The following KAZN variants were observed in gnomAD, a reference collection of about 807,000 sequenced individuals.
KAZN encodes the protein kazrin, periplakin interacting protein.
A neutral mutation model predicts 87.4 loss-of-function variants in KAZN; 40 were observed. The observed-to-expected ratio is 0.46, with a 90% confidence interval of 0.36 to 0.60. The LOEUF (loss-of-function observed/expected upper bound fraction) is 0.60. KAZN is among the 20% of genes least tolerant of loss of function. KAZN has a pLI of 0.00. For missense variants in KAZN, 898 were observed against 1,073.9 expected (o/e 0.84, Z 2.29); for synonymous variants, 466 against 458.3 (o/e 1.02, Z -0.22).
chr1:14,220,920 C>T (rs567585183), intron 2 of KAZN, among the ~76,000 whole-genome samples: 2 of 152,188 alleles, frequency 1.3e-5, no homozygotes, highest in South Asian at 4.2e-4. Flanking sequence ...GCTGTTTGTG[C>T]CTAGAGGTAA....
At chr1:14,092,165 A>C (rs1238421820) in intron 1 of KAZN, among the ~76,000 whole-genome samples, 1 of 142,686 alleles carries the variant, frequency 7.0e-6, no homozygotes, top group Non-Finnish European at 1.5e-5. Flanking sequence ...ATCTCAGCTC[A>C]CTGAAAGCTG....
At chr1:14,463,543 T>A (rs1667962326) in intron 2 of KAZN, among the ~76,000 whole-genome samples, 1 of 152,158 alleles carries the variant, frequency 6.6e-6, no homozygotes, top group South Asian at 2.1e-4. Context: ...ACTCAATAAA[T>A]GTTAGTGATT....
intron 1 of KAZN, among the ~76,000 whole-genome samples, chr1:14,869,309 C>T (rs1651888176): frequency 6.6e-6 from 1 of 152,110 alleles, no homozygotes; most frequent in African/African-American, 2.4e-5. Context: ...CCTTTCATTG[C>T]CTTCCCTGTG....
At chr1:13,953,360 C>T (rs1169406634) in intron 1 of KAZN, among the ~76,000 whole-genome samples, 1 of 152,074 alleles carries the variant, frequency 6.6e-6, no homozygotes, top group Non-Finnish European at 1.5e-5. Flanking sequence ...AGCCTGACTA[C>T]GGGAGAGAGG....
chr1:14,558,172 T>C (rs1042211800), intron 2 of KAZN, among the ~76,000 whole-genome samples: 1 of 152,234 alleles, frequency 6.6e-6, no homozygotes, highest in Admixed American at 6.5e-5. Flanking sequence ...GCCCAGCTCC[T>C]CTCTTTGAAG....
At chr1:14,149,568 C>G (rs1229924161) in intron 1 of KAZN, among the ~76,000 whole-genome samples, 3 of 152,136 alleles carry the variant, frequency 2.0e-5, no homozygotes, top group Non-Finnish European at 2.9e-5. Flanking sequence ...TGGGCCTCTT[C>G]CCTGCCACAC....
intron 1 of KAZN, among the ~76,000 whole-genome samples, chr1:14,755,736 A>T (rs1322850237): frequency 1.3e-5 from 2 of 152,094 alleles, no homozygotes; most frequent in African/African-American, 2.4e-5. Context: ...TCCCTCTTGG[A>T]ATGGTGCTTT....
chr1:15,061,478 C>T (rs957971441), intron 6 of KAZN: 5 of 151,968 alleles, frequency 3.3e-5, no homozygotes, highest in Non-Finnish European at 7.4e-5. Flanking sequence ...AGCCTGGGGC[C>T]CTGCTCAGGC....
At chr1:14,343,870 T>C (rs1235068536) in intron 2 of KAZN, among the ~76,000 whole-genome samples, 1 of 152,206 alleles carries the variant, frequency 6.6e-6, no homozygotes, top group Non-Finnish European at 1.5e-5. Flanking sequence ...AAAAACACAT[T>C]GCAACATTTT....
At chr1:15,073,324 T>C (rs16851228) in intron 8 of KAZN, among the ~76,000 whole-genome samples, 13,965 of 152,214 alleles carry the variant, frequency 0.092, 711 homozygotes, top group East Asian at 0.25. Flanking sequence ...CTGGGAGCTG[T>C]GTGCGTATTG....
intron 2 of KAZN, among the ~76,000 whole-genome samples, chr1:14,550,850 A>G (rs1673473622): frequency 6.7e-6 from 1 of 148,870 alleles, no homozygotes; most frequent in South Asian, 2.2e-4. Flanking sequence ...CCAAGGGGAC[A>G]GTCCTCCCTT....
chr1:15,052,759 A>C (rs1674540143), intron 4 of KAZN, among the ~76,000 whole-genome samples: 1 of 152,140 alleles, frequency 6.6e-6, no homozygotes, highest in Non-Finnish European at 1.5e-5. Flanking sequence ...TGGACAGTTT[A>C]TCCTTGTGCT....
chr1:14,296,046 C>T (rs1018409973), intron 2 of KAZN, among the ~76,000 whole-genome samples: 1 of 152,164 alleles, frequency 6.6e-6, no homozygotes, highest in Non-Finnish European at 1.5e-5. Flanking sequence ...ATAGTACCTA[C>T]CTCATAGGGT....
At chr1:13,996,850 A>G (rs1236130570) in intron 1 of KAZN, among the ~76,000 whole-genome samples, 1 of 151,742 alleles carries the variant, frequency 6.6e-6, no homozygotes, top group Non-Finnish European at 1.5e-5. Flanking sequence ...CCGCAAAGGG[A>G]CAGTCAAAGT....
intron 2 of KAZN, among the ~76,000 whole-genome samples, chr1:15,011,957 A>C (rs931047623): frequency 2.6e-5 from 4 of 152,088 alleles, no homozygotes; most frequent in African/African-American, 9.7e-5. Context: ...CAGCACCTTC[A>C]GGGCTGCTGG....
Position 14,407,355 on chromosome 1 carries a change from A to G in KAZN, c.250-191628A>G, listed in dbSNP as rs80111026. On this transcript the variant is annotated intron_variant, in intron 2 of 16. Transcript: ENST00000636203. ...AGTGCTCAGTTTGTTGAATGAGAAA[A>G]TAGTGATCAGATATTGTTCTGCTGG... Among the ~76,000 whole-genome samples, 515 of 152,348 alleles carry G rather than the reference A, an allele frequency of 3.4e-3. 1 individual carries two copies. The highest frequency in any genetic ancestry group is 0.012 in the African/African-American group (500 of 41,582).
At chr1:13,929,561 G>A (rs542814949) in intron 1 of KAZN, among the ~76,000 whole-genome samples, 29 of 152,278 alleles carry the variant, frequency 1.9e-4, no homozygotes, top group Middle Eastern at 3.4e-3. Flanking sequence ...TGCTAGCCTT[G>A]AGCCTGACAT....
chr1:14,088,338 A>G (rs1643900252), intron 1 of KAZN, among the ~76,000 whole-genome samples: 1 of 151,778 alleles, frequency 6.6e-6, no homozygotes, highest in Admixed American at 6.6e-5. Flanking sequence ...ATTTGATATC[A>G]TTTCTCACTT....
chr1:13,918,164 C>T (rs1215072639), intron 1 of KAZN, among the ~76,000 whole-genome samples: 1 of 152,180 alleles, frequency 6.6e-6, no homozygotes, highest in Non-Finnish European at 1.5e-5. Flanking sequence ...AGTGATTCCT[C>T]TGATGGATCT....
Sources: allele counts gnomAD v4.1 joint callset (sites outside exome capture counted in the v4.1 genomes callset), GRCh38; gene constraint gnomAD v4.1.1; transcripts MANE v1.5; gene names NCBI Gene and HGNC (gene_info 2026-07-23, HGNC 2026-07-21).